Variants in CEP83 observed in about 807,000 individuals in gnomAD.
The protein encoded by CEP83 is centrosomal protein of 83 kDa.
In CEP83, 70 loss-of-function variants were observed where a neutral mutation model predicts 101.9. That is an observed-to-expected ratio of 0.69 (90% confidence interval 0.57 to 0.84). CEP83 has a LOEUF of 0.84. CEP83 is among the 40% of genes least tolerant of loss of function. The pLI, the probability that CEP83 is intolerant of heterozygous loss-of-function variation, is 0.00. For missense variants in CEP83, 715 were observed against 787.2 expected (o/e 0.91, Z 1.10); for synonymous variants, 264 against 267.9 (o/e 0.99, Z 0.14).
At chr12:94,269,738 A>G in the CEP83 span, among the ~76,000 whole-genome samples, 1,041 of 152,326 alleles carry the variant, frequency 6.8e-3, 7 homozygotes, top group African/African-American at 0.023. Flanking sequence ...ACAATTCTTG[A>G]GCTTTTTATT....
chr12:94,350,764 G>C (rs948808219), intron 11 of CEP83, among the ~76,000 whole-genome samples: 44 of 151,972 alleles, frequency 2.9e-4, no homozygotes, highest in African/African-American at 1.0e-3. Flanking sequence ...AATATACAGA[G>C]AAAAACTAAA....
At chr12:94,417,504 G>C (rs555183056) in intron 2 of CEP83, among the ~76,000 whole-genome samples, 16 of 152,094 alleles carry the variant, frequency 1.1e-4, no homozygotes, top group African/African-American at 3.9e-4. Flanking sequence ...AGAACCACTG[G>C]TCGGCCAGGC....
intron 11 of CEP83, among the ~76,000 whole-genome samples, chr12:94,353,857 TAA>T (rs35029140): frequency 1.9e-4 from 28 of 147,570 alleles, no homozygotes; most frequent in Middle Eastern, 3.4e-3. Flanking sequence ...AAAAGAACTG[TAA>T]AAAAAAAAAG....
chr12:94,269,282 T>C, the CEP83 span, among the ~76,000 whole-genome samples: 17 of 152,174 alleles, frequency 1.1e-4, no homozygotes, highest in Non-Finnish European at 8.8e-5. Context: ...CTCCTATCTA[T>C]AAGAAAGTTT....
At chr12:94,276,038 T>C in the CEP83 span, among the ~76,000 whole-genome samples, 4 of 152,340 alleles carry the variant, frequency 2.6e-5, no homozygotes, top group South Asian at 4.1e-4. Context: ...CAGATTTACA[T>C]TATTTTACAT....
intron 14 of CEP83, among the ~76,000 whole-genome samples, chr12:94,320,129 G>A (rs1456980251): frequency 6.6e-6 from 1 of 152,022 alleles, no homozygotes; most frequent in Admixed American, 6.6e-5. Flanking sequence ...ATTTTTGTTG[G>A]TTTAAAATGT....
At chr12:94,413,842 ACACACACAC>A (rs1323064140) in intron 2 of CEP83, among the ~76,000 whole-genome samples, 1 of 151,298 alleles carries the variant, frequency 6.6e-6, no homozygotes, top group East Asian at 1.9e-4. Flanking sequence ...ACACACACAC[ACACACACAC>A]ACACACACAC....
the CEP83 span, chr12:94,300,977 C>A: frequency 6.2e-7 from 1 of 1,613,672 alleles, no homozygotes; most frequent in South Asian, 1.1e-5. Context: ...TAAGAAGACA[C>A]CACATATAGA....
At chr12:94,283,388 C>T in the CEP83 span, among the ~76,000 whole-genome samples, 4 of 152,300 alleles carry the variant, frequency 2.6e-5, no homozygotes, top group African/African-American at 7.2e-5. Context: ...AGGGCAGTGA[C>T]AGCTGATTAT....
chr12:94,352,865 C>T (rs2060266358), intron 11 of CEP83, among the ~76,000 whole-genome samples: 1 of 152,098 alleles, frequency 6.6e-6, no homozygotes, highest in South Asian at 2.1e-4. Flanking sequence ...ATTAAGTGAA[C>T]ACATATTCAC....
chr12:94,388,448 A>C (rs551336853), intron 6 of CEP83, among the ~76,000 whole-genome samples: 5 of 152,258 alleles, frequency 3.3e-5, no homozygotes, highest in African/African-American at 1.2e-4. Context: ...GGAGAGGATG[A>C]GGGGGAAAGG....
chr12:94,403,233 T>A lies in CEP83; in HGVS notation c.354A>T (p.Leu118=). Residue 118 remains leucine, a synonymous_variant, in exon 5 of 17, where the codon CTA becomes CTT. Transcript: ENST00000397809. ...QILTPQKLEL[L]RAQIQQELET... is the part of the protein sequence containing the mutation. ...CTAATTCTTGTTGTATTTGGGCTCT[T>A]AGCAATTCCAATTTTTGTGGAGTTA... is the stretch of plus-strand genomic sequence containing the variant. The A allele has an allele frequency of 6.4e-7, 1 of 1,572,360 alleles. No homozygotes were observed. Among genetic ancestry groups the A allele is most frequent in the Non-Finnish European group, 8.7e-7 (1 of 1,143,450 alleles).
intron 11 of CEP83, among the ~76,000 whole-genome samples, chr12:94,364,503 G>A (rs1057455927): frequency 3.9e-5 from 6 of 152,022 alleles, no homozygotes; most frequent in Non-Finnish European, 5.9e-5. Context: ...TGGTACAGGC[G>A]CCTAAAGTTC....
intron 11 of CEP83, among the ~76,000 whole-genome samples, chr12:94,345,161 A>G (rs1593289115): frequency 6.6e-6 from 1 of 152,354 alleles, no homozygotes; most frequent in Admixed American, 6.5e-5. Context: ...TAAAAACCAA[A>G]TATTAATCTT....
At chr12:94,430,531 CT>C (rs1483116052) in intron 2 of CEP83, among the ~76,000 whole-genome samples, 4 of 151,688 alleles carry the variant, frequency 2.6e-5, no homozygotes, top group Admixed American at 6.6e-5. Context: ...AAGAAAGAAT[CT>C]CAGAACCTGA....
intron 2 of CEP83, among the ~76,000 whole-genome samples, chr12:94,431,159 A>G (rs2065592254): frequency 1.3e-5 from 2 of 152,198 alleles, no homozygotes; most frequent in Non-Finnish European, 2.9e-5. Context: ...TAGCCATCTA[A>G]TTTTGACAAA....
At chr12:94,377,125 G>A (rs1445111854) in intron 7 of CEP83, among the ~76,000 whole-genome samples, 2 of 152,142 alleles carry the variant, frequency 1.3e-5, no homozygotes, top group Non-Finnish European at 2.9e-5. Flanking sequence ...TATAGATGCT[G>A]TTCGACTTAT....
the CEP83 span, among the ~76,000 whole-genome samples, chr12:94,292,566 A>G: frequency 6.6e-6 from 1 of 152,264 alleles, no homozygotes; most frequent in African/African-American, 2.4e-5. Flanking sequence ...TGGAACCACA[A>G]GTATTTCAGA....
Position 94,311,594 on chromosome 12 carries a change from T to C in CEP83, c.1811+1320A>G, listed in dbSNP as rs948935542. ...GTCCACTGGAAAACTGATTACTCCA[T>C]GTATAGGAAAAAACCCCAAACATCT... On this transcript the variant is annotated intron_variant, in intron 15 of 16. Coordinates refer to ENST00000397809, the MANE Select transcript of CEP83 (RefSeq NM_016122.3). Among the ~76,000 whole-genome samples the C allele has an allele frequency of 4.6e-5, 7 of 152,160 alleles. No individual in the cohort carries two copies. In the East Asian group the frequency reaches 5.8e-4, roughly 13 times the overall value.
Sources: allele counts gnomAD v4.1 joint callset (sites outside exome capture counted in the v4.1 genomes callset), GRCh38; gene constraint gnomAD v4.1.1; transcripts MANE v1.5; gene names NCBI Gene and HGNC (gene_info 2026-07-23, HGNC 2026-07-21).